Variants in PRKAR1B observed in about 807,000 individuals in gnomAD.
PRKAR1B encodes cAMP-dependent protein kinase type I-beta regulatory subunit.
In PRKAR1B, 22 loss-of-function variants were observed where a neutral mutation model predicts 46.5. The observed-to-expected ratio is 0.47, with a 90% CI of 0.34 to 0.68. The LOEUF is 0.68. PRKAR1B is among the 30% of genes least tolerant of loss of function. PRKAR1B has a pLI of 0.01. For missense variants in PRKAR1B, 445 were observed against 535.6 expected (o/e 0.83, Z 1.67); for synonymous variants, 259 against 217.7 (o/e 1.19, Z -1.67).
Position 721,305 on chromosome 7 carries a change from C to T in PRKAR1B, c.-23+5905G>A, listed in dbSNP as rs557003900. Among the ~76,000 whole-genome samples the T allele has an allele frequency of 3.9e-5, 6 of 152,262 alleles. No homozygotes were observed. In the South Asian group the frequency reaches 8.3e-4, roughly 21 times the overall value. On this transcript the variant is annotated intron_variant, in intron 1 of 10. Transcript: ENST00000537384. Reference sequence around the variant, plus strand: ...AGTGACATTGACTTCTATTTTTATCCAGTCCATTGTCTCAACTTTCTGGAG... The same window carrying T: ...AGTGACATTGACTTCTATTTTTATCTAGTCCATTGTCTCAACTTTCTGGAG...
chr7:602,020 C>T lies in PRKAR1B; in HGVS notation c.549+4173G>A, dbSNP rs1781639832. Among the ~76,000 whole-genome samples the T allele has an allele frequency of 6.6e-6, 1 of 152,188 alleles. No homozygotes were observed. On this transcript the variant is annotated intron_variant, in intron 6 of 10. Transcript: ENST00000537384. The surrounding 1 kb of genome is among the most constrained non-coding windows in gnomAD (Gnocchi z 6.4). ...TTACACGAGGGTGACCTCACTCTTT[C>T]CTTTCTCAAAATTGCCTCCCAACGT...
intron 4 of PRKAR1B, among the ~76,000 whole-genome samples, chr7:636,064 G>A (rs1272780680): frequency 5.5e-4 from 10 of 18,166 alleles, no homozygotes; most frequent in East Asian, 1.9e-3. Flanking sequence ...GCGCCCACAC[G>A]TCCTCCACCG....
chr7:624,170 C>T lies in PRKAR1B; in HGVS notation c.441-16718G>A, dbSNP rs542861188. Among the ~76,000 whole-genome samples the T allele has an allele frequency of 2.0e-5, 3 of 152,338 alleles. No homozygotes were observed. The South Asian group carries it at 6.2e-4, about 32-fold the overall frequency. ...CATGCTGACCAAGCATGGTGGCTCACACCTGTAATCTCAGCACTTTGGGAG... is the reference window on the plus strand; with the variant it reads ...CATGCTGACCAAGCATGGTGGCTCATACCTGTAATCTCAGCACTTTGGGAG... On this transcript the variant is annotated intron_variant, in intron 4 of 10. Coordinates refer to ENST00000537384, the MANE Select transcript of PRKAR1B (RefSeq NM_001164760.2).
Position 643,700 on chromosome 7 carries a change from C to T in PRKAR1B, c.440+33529G>A, listed in dbSNP as rs568219965. 5.3e-5 allele frequency among the ~76,000 whole-genome samples: 8 copies of T among 151,122 alleles called. No homozygotes were observed. In the South Asian group the frequency reaches 6.3e-4, roughly 12 times the overall value. ...TTGCGCCACTGCACTCCAGCCTGGG[C>T]GACAGAGCGAGACTCCATCTTGAAA... On this transcript the variant is annotated intron_variant, in intron 4 of 10. Transcript: ENST00000537384.
At chr7:723,849 C>A (rs1781160230) in intron 1 of PRKAR1B, among the ~76,000 whole-genome samples, 1 of 151,472 alleles carries the variant, frequency 6.6e-6, no homozygotes, top group South Asian at 2.1e-4. Context: ...GCTGCCGTAA[C>A]AAAGCACACC....
At chr7:624,851 G>A (rs1783300513) in intron 4 of PRKAR1B, among the ~76,000 whole-genome samples, 2 of 151,912 alleles carry the variant, frequency 1.3e-5, no homozygotes, top group South Asian at 4.1e-4. Context: ...ATTATACACA[G>A]GAAATAAAAA....
chr7:550,314 C>A lies in PRKAR1B; in HGVS notation c.*116G>T. 1 of 880,324 alleles carries A rather than the reference C, an allele frequency of 1.1e-6. No individual in the cohort carries two copies. The highest frequency in any genetic ancestry group is 1.7e-5 in the South Asian group (1 of 60,518). The allele number at this position is 880,324 out of a possible 1,614,324, so 54.5% of individuals were successfully genotyped here. On this transcript the variant is annotated 3_prime_UTR_variant, in exon 11 of 11. Coordinates refer to ENST00000537384, the MANE Select transcript of PRKAR1B (RefSeq NM_001164760.2). ...GGGGAAGGGGCAGTCCTCACGCTGCCGGGACCCAGCCCCACCCGGCCCACA... is the reference window on the plus strand; with the variant it reads ...GGGGAAGGGGCAGTCCTCACGCTGCAGGGACCCAGCCCCACCCGGCCCACA...
chr7:678,742 C>A (rs1205024745), intron 3 of PRKAR1B, among the ~76,000 whole-genome samples: 1 of 152,226 alleles, frequency 6.6e-6, no homozygotes, highest in Non-Finnish European at 1.5e-5. Flanking sequence ...CTTTGAGAGA[C>A]AGCAATGAAA....
intron 4 of PRKAR1B, among the ~76,000 whole-genome samples, chr7:635,167 C>A (rs980804327): frequency 6.6e-6 from 1 of 152,168 alleles, no homozygotes; most frequent in Non-Finnish European, 1.5e-5. Context: ...CACCAAAAAA[C>A]CGGACTTCCA....
chr7:586,888 T>TC (rs1316840098), intron 7 of PRKAR1B, among the ~76,000 whole-genome samples: 2 of 145,164 alleles, frequency 1.4e-5, no homozygotes, highest in African/African-American at 2.5e-5. Flanking sequence ...CCCACCTTCT[T>TC]TTTTTTTTTT....
intron 9 of PRKAR1B, among the ~76,000 whole-genome samples, chr7:570,992 C>A (rs536707983): frequency 1.3e-5 from 2 of 152,322 alleles, no homozygotes; most frequent in South Asian, 2.1e-4. Flanking sequence ...GAGGACAGGG[C>A]GTGTCTGCGG....
intron 2 of PRKAR1B, among the ~76,000 whole-genome samples, chr7:698,942 C>G (rs1779916626): frequency 6.6e-6 from 1 of 152,268 alleles, no homozygotes; most frequent in Non-Finnish European, 1.5e-5. Flanking sequence ...CAGCCTCTCC[C>G]TCCTGGAGGG....
intron 4 of PRKAR1B, among the ~76,000 whole-genome samples, chr7:657,479 G>C (rs1411304436): frequency 6.6e-6 from 1 of 152,204 alleles, no homozygotes; most frequent in African/African-American, 2.4e-5. Flanking sequence ...CCCATATTTA[G>C]ACTCAATTAA....
intron 6 of PRKAR1B, among the ~76,000 whole-genome samples, chr7:605,158 G>A (rs1203605646): frequency 1.3e-5 from 2 of 152,234 alleles, no homozygotes; most frequent in Non-Finnish European, 2.9e-5. Context: ...GCAGAGCAGG[G>A]GACACACACC....
At chr7:575,278 A>AGGCTGG (rs549554115) in intron 9 of PRKAR1B, among the ~76,000 whole-genome samples, 1 of 152,312 alleles carries the variant, frequency 6.6e-6, no homozygotes, top group African/African-American at 2.4e-5. Flanking sequence ...GTGCTGGCTG[A>AGGCTGG]GGCTGGGGCT....
rs1018329987 is a variant in PRKAR1B at position 609,179 on chromosome 7, G to A, written c.441-1727C>T. On this transcript the variant is annotated intron_variant, in intron 4 of 10. Coordinates refer to ENST00000537384, the MANE Select transcript of PRKAR1B (RefSeq NM_001164760.2). ...CTGGCCCCGGTGGGGACATTTCCTG[G>A]CCACGGCCTCCCTGGTGCACGCATC... Among the ~76,000 whole-genome samples, 82 of 152,118 alleles carry A rather than the reference G, an allele frequency of 5.4e-4. 2 individuals carry two copies. The highest frequency in any genetic ancestry group is 3.4e-4 in the Non-Finnish European group (23 of 68,000).
chr7:661,733 C>A (rs1474554787), intron 4 of PRKAR1B, among the ~76,000 whole-genome samples: 3 of 46,996 alleles, frequency 6.4e-5, no homozygotes, highest in African/African-American at 1.0e-4. Context: ...CCAACGGATC[C>A]AAATACCTAC....
Position 727,112 on chromosome 7 carries a change from C to G in PRKAR1B, c.-23+98G>C, listed in dbSNP as rs1347850043. On this transcript the variant is annotated intron_variant, in intron 1 of 10. Transcript: ENST00000537384. ...GCGCGCTTGGCCGGCCCCGTGCCCGCGCGCCGCCCGCCCGAGGCCTGTGAG... is the reference window on the plus strand; with the variant it reads ...GCGCGCTTGGCCGGCCCCGTGCCCGGGCGCCGCCCGCCCGAGGCCTGTGAG... 6 of 1,113,080 alleles carry G rather than the reference C, an allele frequency of 5.4e-6. No individual in the cohort carries two copies. The East Asian group carries it at 3.1e-4, about 58-fold the overall frequency. 69.0% of individuals were successfully genotyped at this position (1,113,080 alleles called of 1,614,324 possible).
intron 2 of PRKAR1B, among the ~76,000 whole-genome samples, chr7:686,809 A>C (rs560499499): frequency 6.6e-6 from 1 of 152,286 alleles, no homozygotes; most frequent in African/African-American, 2.4e-5. Context: ...GAACCACAAG[A>C]AGTGTCTACA....
Sources: gnomAD v4.1 joint callset for allele counts (sites outside exome capture counted in the v4.1 genomes callset) on GRCh38, gnomAD v4.1.1 for gene constraint, Gnocchi (gnomAD v3.1) non-coding constraint, MANE v1.5 for transcripts, NCBI Gene and HGNC (gene_info 2026-07-23, HGNC 2026-07-21) for gene names.